Variants in PIR observed in about 807,000 individuals in gnomAD.
The protein encoded by PIR is pirin.
Under a neutral mutation model 24.2 loss-of-function variants are expected in PIR, and 22 were observed. The ratio of observed to expected loss-of-function variants is 0.91; its 90% CI spans 0.65 to 1.30. PIR has a LOEUF of 1.30. Among genes scored for constraint, PIR ranks in the 50% most tolerant of loss-of-function variants. The pLI, the probability that PIR is intolerant of heterozygous loss-of-function variation, is 0.00. For missense variants in PIR, 220 were observed against 220.3 expected (o/e 1.00, Z 0.01); for synonymous variants, 80 against 79.6 (o/e 1.00, Z -0.03).
At chrX:15,475,146 G>A (rs1210289223) in intron 3 of PIR, among the ~76,000 whole-genome samples, 4 of 109,671 alleles carry the variant, frequency 3.6e-5, no homozygotes, top group Non-Finnish European at 5.7e-5. Flanking sequence ...GGTTTGAATC[G>A]GGTCATAAGT....
chrX:15,432,612 C>T (rs1925545439), intron 5 of PIR, among the ~76,000 whole-genome samples: 1 of 112,061 alleles, frequency 8.9e-6, no homozygotes, highest in African/African-American at 3.2e-5. Context: ...GAGCGAATGA[C>T]ATAAGTTTAG....
chrX:15,429,992 T>C (rs1382881927), intron 5 of PIR: 2 of 112,361 alleles, frequency 1.8e-5, no homozygotes, highest in African/African-American at 6.5e-5. Context: ...TTTCCTGTGT[T>C]GTTTTGTTTA....
chrX:15,394,952 G>C (rs1924078551), intron 8 of PIR, among the ~76,000 whole-genome samples: 1 of 112,172 alleles, frequency 8.9e-6, no homozygotes, highest in South Asian at 3.7e-4. Context: ...AGTCAAATGG[G>C]TGTGATGGTG....
At chrX:15,398,963 G>A (rs1266643163) in intron 7 of PIR, among the ~76,000 whole-genome samples, 1 of 111,639 alleles carries the variant, frequency 9.0e-6, no homozygotes, top group Non-Finnish European at 1.9e-5. Context: ...TTCTCACTAG[G>A]AGCAGAAGAA....
chrX:15,439,267 G>A (rs57353984), intron 5 of PIR, among the ~76,000 whole-genome samples: 4,466 of 112,238 alleles, frequency 0.04, 231 homozygotes, highest in African/African-American at 0.14. Context: ...GCACAGATGT[G>A]CTGCAAGTGT....
chrX:15,444,176 T>C (rs981659228), intron 5 of PIR, among the ~76,000 whole-genome samples: 1 of 111,400 alleles, frequency 9.0e-6, no homozygotes, highest in African/African-American at 3.3e-5. Context: ...AACAACATCG[T>C]TGTCTGATTT....
At chrX:15,406,740 G>A (rs1369620796) in intron 7 of PIR, among the ~76,000 whole-genome samples, 1 of 111,464 alleles carries the variant, frequency 9.0e-6, no homozygotes, top group Non-Finnish European at 1.9e-5. Flanking sequence ...GGGAGGAGGA[G>A]ACCCAGGCAG....
chrX:15,484,571 T>A (rs1470054719), intron 2 of PIR, among the ~76,000 whole-genome samples: 2 of 110,620 alleles, frequency 1.8e-5, no homozygotes, highest in Admixed American at 1.9e-4. Flanking sequence ...CACCTCAGCC[T>A]CCCAAAGTGG....
At chrX:15,389,359 G>C (rs1923879670) in intron 9 of PIR, among the ~76,000 whole-genome samples, 1 of 111,675 alleles carries the variant, frequency 9.0e-6, no homozygotes, top group South Asian at 3.7e-4. Context: ...GAAGTAGTTA[G>C]TAGAACAAAA....
chrX:15,435,666 T>G (rs1309386444), intron 5 of PIR, among the ~76,000 whole-genome samples: 1 of 111,814 alleles, frequency 8.9e-6, no homozygotes, highest in Non-Finnish European at 1.9e-5. Context: ...GGCTTTGCAC[T>G]GGGGATAAAA....
chrX:15,413,394 G>T (rs984949669), intron 6 of PIR, among the ~76,000 whole-genome samples: 4 of 111,169 alleles, frequency 3.6e-5, no homozygotes, highest in Non-Finnish European at 7.5e-5. Context: ...ACATTTTTGC[G>T]ACGTCTCCCA....
chrX:15,384,974 A>G lies in PIR; in HGVS notation c.*30T>C. On this transcript the variant is annotated 3_prime_UTR_variant, in exon 10 of 10. Transcript: ENST00000380420. ...ATCTCAGAAATGGCAAAATTCTAGGACACATCAAGACCTGCTCTTCCGCTT... is the reference window on the plus strand; with the variant it reads ...ATCTCAGAAATGGCAAAATTCTAGGGCACATCAAGACCTGCTCTTCCGCTT... 2 of 806,771 alleles carry G rather than the reference A, an allele frequency of 2.5e-6. No individual in the cohort carries two copies. Among genetic ancestry groups the G allele is most frequent in the Non-Finnish European group, 3.8e-6 (2 of 533,203 alleles). 66.5% of individuals were successfully genotyped at this position (806,771 alleles called of 1,213,427 possible).
chrX:15,451,142 G>A (rs1920962224), intron 5 of PIR, among the ~76,000 whole-genome samples: 1 of 111,896 alleles, frequency 8.9e-6, no homozygotes, highest in East Asian at 2.8e-4. Context: ...GTCTTCCAAT[G>A]CTTGTACAGC....
intron 7 of PIR, among the ~76,000 whole-genome samples, chrX:15,406,525 C>T (rs1030046394): frequency 5.4e-5 from 6 of 111,831 alleles, no homozygotes; most frequent in Admixed American, 4.8e-4. Context: ...CCAGTACTTT[C>T]ATGCTGCCCT....
chrX:15,465,279 GA>G (rs34856371), intron 3 of PIR, among the ~76,000 whole-genome samples: 3 of 107,827 alleles, frequency 2.8e-5, no homozygotes, highest in Non-Finnish European at 3.8e-5. Context: ...AGCCTTTGGG[GA>G]AAAAAAAATC....
At chrX:15,452,419 A>C (rs1394713349) in intron 5 of PIR, among the ~76,000 whole-genome samples, 1 of 111,627 alleles carries the variant, frequency 9.0e-6, no homozygotes, top group African/African-American at 3.3e-5. Context: ...TTGGCTTTCC[A>C]AGGGTTGAAT....
chrX:15,464,668 T>G (rs1473517252), intron 3 of PIR, among the ~76,000 whole-genome samples: 1 of 112,502 alleles, frequency 8.9e-6, no homozygotes, highest in Non-Finnish European at 1.9e-5. Context: ...TAGGATCTAA[T>G]ACAAAGCTTA....
rs759190509 is a variant in PIR at position 15,425,314 on chromosome X, T to C, written c.565+592A>G. Among the ~76,000 whole-genome samples, 3 of 110,743 alleles carry C rather than the reference T, an allele frequency of 2.7e-5. No homozygotes were observed. In the South Asian group the frequency reaches 1.1e-3, roughly 42 times the overall value. On this transcript the variant is annotated intron_variant, in intron 6 of 9. Coordinates refer to ENST00000380420, the MANE Select transcript of PIR (RefSeq NM_001018109.3). ...TGGGTGGCCTTGAGCAAGTGACCCATCTTTTAGGCCTTCCACACCTGTAAA... is the reference window on the plus strand; with the variant it reads ...TGGGTGGCCTTGAGCAAGTGACCCACCTTTTAGGCCTTCCACACCTGTAAA...
At chrX:15,460,881 A>C in intron 3 of PIR, among the ~76,000 whole-genome samples, 1 of 111,847 alleles carries the variant, frequency 8.9e-6, no homozygotes, top group Non-Finnish European at 1.9e-5. Flanking sequence ...AAAAAGTGTT[A>C]TTGGGTAGCT....
Sources: gnomAD v4.1 joint callset for allele counts (sites outside exome capture counted in the v4.1 genomes callset) on GRCh38, gnomAD v4.1.1 for gene constraint, MANE v1.5 for transcripts, NCBI Gene and HGNC (gene_info 2026-07-23, HGNC 2026-07-21) for gene names.